ELMO1: variants seen among roughly 807,000 people sequenced by gnomAD.
ELMO1 encodes engulfment and cell motility protein 1.
ELMO1 carries 26 observed loss-of-function variants against 98.9 expected under a neutral mutation model. The observed-to-expected ratio is 0.26, with a 90% CI of 0.19 to 0.36. The LOEUF (loss-of-function observed/expected upper bound fraction) is 0.36, where lower values mean the gene tolerates loss of function less well. Ranked by LOEUF, ELMO1 falls within the 10% of genes least tolerant of loss-of-function variation. ELMO1 has a pLI of 1.00. For synonymous variants in ELMO1, 346 were observed against 346.0 expected, an observed-to-expected ratio of 1.00 and a Z score of 0.00; for missense variants, 627 against 935.2, an observed-to-expected ratio of 0.67 and a Z score of 4.30.
intron 14 of ELMO1, among the ~76,000 whole-genome samples, chr7:37,125,893 A>T (rs1314448124): frequency 6.6e-6 from 1 of 152,250 alleles, no homozygotes; most frequent in East Asian, 1.9e-4. Context: ...ACTTGGAACC[A>T]AGCCAAATGT....
At chr7:37,306,929 T>C (rs1798643523) in intron 4 of ELMO1, among the ~76,000 whole-genome samples, 1 of 152,170 alleles carries the variant, frequency 6.6e-6, no homozygotes, top group Non-Finnish European at 1.5e-5. Flanking sequence ...ATAAACCTAG[T>C]GACTCAAAAA....
chr7:37,103,508 C>CA (rs776564329), intron 14 of ELMO1, among the ~76,000 whole-genome samples: 73 of 122,714 alleles, frequency 5.9e-4, no homozygotes, highest in Non-Finnish European at 9.9e-4. Context: ...AGCACACACC[C>CA]AGGCCTGTTG....
At chr7:37,362,482 C>T (rs1258531629) in intron 1 of ELMO1, among the ~76,000 whole-genome samples, 3 of 152,286 alleles carry the variant, frequency 2.0e-5, no homozygotes, top group East Asian at 1.9e-4. Context: ...CTAACTAATA[C>T]AGGGCTCATT....
intron 13 of ELMO1, among the ~76,000 whole-genome samples, chr7:37,190,674 A>G (rs1172076280): frequency 1.3e-5 from 2 of 151,902 alleles, no homozygotes; most frequent in Non-Finnish European, 2.9e-5. Flanking sequence ...TAACTTTTGT[A>G]TTTTTAGTAG....
At chr7:37,272,547 C>G (rs187101258) in intron 4 of ELMO1, among the ~76,000 whole-genome samples, 1 of 151,982 alleles carries the variant, frequency 6.6e-6, no homozygotes, top group Non-Finnish European at 1.5e-5. Context: ...TAGTGGCAGG[C>G]GCCTGTAATC....
chr7:37,267,449 C>T (rs1419988120), intron 5 of ELMO1, among the ~76,000 whole-genome samples: 4 of 151,044 alleles, frequency 2.6e-5, no homozygotes, highest in South Asian at 2.1e-4. Flanking sequence ...GGCGCGCGCA[C>T]GCGTGTGTGT....
chr7:36,984,380 G>A (rs1791338099), intron 16 of ELMO1, among the ~76,000 whole-genome samples: 2 of 152,176 alleles, frequency 1.3e-5, no homozygotes, highest in Non-Finnish European at 2.9e-5. Flanking sequence ...ATTGTCACCC[G>A]CAGTTAGGAA....
chr7:36,890,784 C>A (rs1431290620), intron 17 of ELMO1, among the ~76,000 whole-genome samples: 1 of 152,200 alleles, frequency 6.6e-6, no homozygotes, highest in Non-Finnish European at 1.5e-5. Context: ...TAAGTCACAT[C>A]ACATCATTCC....
At chr7:37,421,016 T>C (rs985301332) in intron 1 of ELMO1, among the ~76,000 whole-genome samples, 1 of 152,230 alleles carries the variant, frequency 6.6e-6, no homozygotes, top group Non-Finnish European at 1.5e-5. Flanking sequence ...CCATGCAGTA[T>C]GTAAAAGTGA....
At chr7:37,207,813 G>A (rs1792725368) in intron 13 of ELMO1, among the ~76,000 whole-genome samples, 1 of 152,114 alleles carries the variant, frequency 6.6e-6, no homozygotes, top group South Asian at 2.1e-4. Flanking sequence ...GTGGTGGTGG[G>A]CACCCGACAA....
At chr7:37,415,393 G>C (rs183638943) in intron 1 of ELMO1, among the ~76,000 whole-genome samples, 1 of 152,228 alleles carries the variant, frequency 6.6e-6, no homozygotes, top group Non-Finnish European at 1.5e-5. Context: ...TCAACATCAA[G>C]AGTGTAGGGT....
At chr7:37,310,264 G>T (rs1167677797) in intron 4 of ELMO1, among the ~76,000 whole-genome samples, 3 of 152,178 alleles carry the variant, frequency 2.0e-5, no homozygotes, top group African/African-American at 7.2e-5. Flanking sequence ...GTCTCAGTAT[G>T]GAGGAAGTGA....
At chr7:37,251,658 T>A (rs1219637226) in intron 6 of ELMO1, among the ~76,000 whole-genome samples, 2 of 152,228 alleles carry the variant, frequency 1.3e-5, no homozygotes, top group African/African-American at 4.8e-5. Context: ...GCATTCCCTT[T>A]GAAAACGGGC....
At chr7:36,992,000 C>T (rs528226807) in intron 16 of ELMO1, among the ~76,000 whole-genome samples, 73 of 152,304 alleles carry the variant, frequency 4.8e-4, no homozygotes, top group Middle Eastern at 3.4e-3. Flanking sequence ...AAGCAAGCAG[C>T]TGGAGCAGGT....
chr7:37,324,408 A>AT (rs1341028731), intron 2 of ELMO1, among the ~76,000 whole-genome samples: 1 of 151,404 alleles, frequency 6.6e-6, no homozygotes, highest in Non-Finnish European at 1.5e-5. Context: ...TCACCCAGAA[A>AT]AAAAAGGCTG....
At chr7:37,180,576 T>A (rs898673619) in intron 13 of ELMO1, among the ~76,000 whole-genome samples, 1 of 152,036 alleles carries the variant, frequency 6.6e-6, no homozygotes, top group African/African-American at 2.4e-5. Context: ...AAAGAATAAG[T>A]GTAAAGGAAA....
chr7:37,322,899 A>G (rs1799598063), intron 2 of ELMO1, among the ~76,000 whole-genome samples: 1 of 152,190 alleles, frequency 6.6e-6, no homozygotes, highest in Non-Finnish European at 1.5e-5. Flanking sequence ...TCATCACTAA[A>G]TATCTTAAGC....
chr7:36,925,571 T>C (rs189485154), intron 16 of ELMO1, among the ~76,000 whole-genome samples: 553 of 152,310 alleles, frequency 3.6e-3, no homozygotes, highest in Non-Finnish European at 4.5e-3. Flanking sequence ...CCCCAACCCG[T>C]TTCAATTTTC....
intron 20 of ELMO1, among the ~76,000 whole-genome samples, chr7:36,867,229 C>T (rs1473888003): frequency 2.0e-5 from 3 of 152,162 alleles, no homozygotes; most frequent in Admixed American, 6.5e-5. Flanking sequence ...CATCATCCAT[C>T]CTATGTTTTA....
Sources: gnomAD v4.1 joint callset for allele counts (sites outside exome capture counted in the v4.1 genomes callset) on GRCh38, gnomAD v4.1.1 for gene constraint, MANE v1.5 for transcripts, NCBI Gene and HGNC (gene_info 2026-07-23, HGNC 2026-07-21) for gene names.